DPH6: variants seen among roughly 807,000 people sequenced by gnomAD.
DPH6 encodes the protein diphthine--ammonia ligase.
Under a neutral mutation model 38.2 loss-of-function variants are expected in DPH6, and 33 were observed. The ratio of observed to expected loss-of-function variants is 0.86; its 90% CI spans 0.65 to 1.15. The LOEUF (loss-of-function observed/expected upper bound fraction) is 1.15, where lower values mean the gene tolerates loss of function less well. Among genes scored for constraint, DPH6 ranks in the 50% most tolerant of loss-of-function variants. The pLI is 0.00. For synonymous variants in DPH6, 108 were observed against 103.0 expected (o/e 1.05, Z -0.30); for missense variants, 325 against 320.0 (o/e 1.02, Z -0.12).
At chr15:35,489,071 C>A (rs2054442655) in intron 3 of DPH6, among the ~76,000 whole-genome samples, 1 of 152,120 alleles carries the variant, frequency 6.6e-6, no homozygotes, top group Non-Finnish European at 1.5e-5. Context: ...AAGATGATGT[C>A]CCTCTGTCAA....
intron 3 of DPH6, among the ~76,000 whole-genome samples, chr15:35,344,481 T>C (rs748383614): frequency 3.9e-5 from 6 of 151,940 alleles, no homozygotes; most frequent in Non-Finnish European, 8.8e-5. Context: ...CCATCCCCTG[T>C]TCTTTTAGGA....
intron 3 of DPH6, among the ~76,000 whole-genome samples, chr15:35,246,548 TAAG>T (rs1220947694): frequency 6.6e-6 from 1 of 152,176 alleles, no homozygotes; most frequent in African/African-American, 2.4e-5. Context: ...CAGACTGCAG[TAAG>T]CAATTTGTTC....
At chr15:35,382,193 TGGGAGGCCGAGGC>T (rs1045572452) in intron 6 of DPH6, among the ~76,000 whole-genome samples, 1 of 152,126 alleles carries the variant, frequency 6.6e-6, no homozygotes, top group Non-Finnish European at 1.5e-5. Context: ...CCCAGCACTT[TGGGAGGCCGAGGC>T]GGGCGGATCA....
At position 35,455,544 on chromosome 15, in the gene DPH6, A is replaced by G. The variant is rs6495772; in HGVS notation, c.313-724T>C. Among the ~76,000 whole-genome samples, 465 of 152,306 alleles carry G rather than the reference A, an allele frequency of 3.1e-3. 1 individual carries two copies. The highest frequency in any genetic ancestry group is 0.011 in the African/African-American group (442 of 41,566). ...AGCTAGAATGGATTAAAAAGAAAAC[A>G]AAACAAGATCAATCAAGTACATGGA... On this transcript the variant is annotated intron_variant, in intron 3 of 8. Coordinates refer to ENST00000256538, the MANE Select transcript of DPH6 (RefSeq NM_080650.4).
At chr15:35,173,552 C>CT in the DPH6 span, among the ~76,000 whole-genome samples, 133,321 of 150,026 alleles carry the variant, frequency 0.89, 59,388 homozygotes, top group Non-Finnish European at 0.92. Context: ...ATGTATCTGC[C>CT]TTTTTTTTTC....
At chr15:35,356,639 T>G (rs1366809079) in intron 3 of DPH6, among the ~76,000 whole-genome samples, 1 of 152,160 alleles carries the variant, frequency 6.6e-6, no homozygotes, top group Non-Finnish European at 1.5e-5. Flanking sequence ...ATCATTCCTC[T>G]GCAAGTTTTG....
At chr15:35,428,467 C>T (rs1191841039) in intron 5 of DPH6, among the ~76,000 whole-genome samples, 1 of 151,992 alleles carries the variant, frequency 6.6e-6, no homozygotes, top group Non-Finnish European at 1.5e-5. Flanking sequence ...TCTACACACT[C>T]CAATTAACTC....
intron 3 of DPH6, among the ~76,000 whole-genome samples, chr15:35,487,483 G>A (rs756418420): frequency 6.6e-5 from 10 of 152,214 alleles, no homozygotes; most frequent in African/African-American, 1.9e-4. Context: ...CTTGGGGCTC[G>A]TACCCTCTGA....
chr15:35,354,834 T>C (rs1203342750), intron 3 of DPH6, among the ~76,000 whole-genome samples: 2 of 152,166 alleles, frequency 1.3e-5, no homozygotes, highest in Non-Finnish European at 2.9e-5. Context: ...TATTCCTGGA[T>C]ATCCTTGTTA....
At chr15:35,341,180 G>T (rs922102658) in intron 3 of DPH6, among the ~76,000 whole-genome samples, 1 of 152,110 alleles carries the variant, frequency 6.6e-6, no homozygotes, top group African/African-American at 2.4e-5. Context: ...ATTGATACTT[G>T]TGATTGCATT....
the DPH6 span, among the ~76,000 whole-genome samples, chr15:35,147,891 C>T: frequency 6.6e-6 from 1 of 152,158 alleles, no homozygotes; most frequent in Admixed American, 6.5e-5. Context: ...ACATGCAACG[C>T]CTTGGGCTGC....
chr15:35,367,597 T>G (rs1312266037), downstream of DPH6, among the ~76,000 whole-genome samples: 2 of 151,862 alleles, frequency 1.3e-5, no homozygotes, highest in African/African-American at 4.8e-5. Flanking sequence ...TATTTCTCCG[T>G]TTTTATCTCA....
intron 3 of DPH6, among the ~76,000 whole-genome samples, chr15:35,229,975 TACTGGGTCAG>T (rs1243027802): frequency 6.6e-5 from 10 of 152,200 alleles, no homozygotes; most frequent in Non-Finnish European, 1.0e-4. Context: ...CCTGGGACTG[TACTGGGTCAG>T]ACCTGAAGCC....
chr15:35,260,703 T>TA (rs2051741124), intron 3 of DPH6, among the ~76,000 whole-genome samples: 1 of 152,114 alleles, frequency 6.6e-6, no homozygotes, highest in Admixed American at 6.5e-5. Context: ...TTCTTTTTTT[T>TA]ACCTCCTTCC....
At chr15:35,220,079 A>G (rs1408242089) in exon 4 of DPH6, 3 of 152,252 alleles carry the variant, frequency 2.0e-5, no homozygotes, top group African/African-American at 2.4e-5. Flanking sequence ...TCAAACACAA[A>G]GCAGAGTATA....
chr15:35,325,782 T>C (rs899853942), intron 3 of DPH6, among the ~76,000 whole-genome samples: 3 of 151,924 alleles, frequency 2.0e-5, no homozygotes, highest in Non-Finnish European at 4.4e-5. Flanking sequence ...ACTAAAACAG[T>C]GAAAAGTCAA....
chr15:35,458,556 G>T (rs1208536472), intron 3 of DPH6, among the ~76,000 whole-genome samples: 1 of 152,148 alleles, frequency 6.6e-6, no homozygotes, highest in Non-Finnish European at 1.5e-5. Flanking sequence ...CCTGATCCCT[G>T]ACCCATATCA....
the DPH6 span, among the ~76,000 whole-genome samples, chr15:35,147,769 T>TAACACTCTC: frequency 6.6e-6 from 1 of 152,210 alleles, no homozygotes; most frequent in Non-Finnish European, 1.5e-5. Context: ...GAGTGAGAAT[T>TAACACTCTC]ACTAATATAA....
intron 6 of DPH6, among the ~76,000 whole-genome samples, chr15:35,403,378 G>T (rs2053247564): frequency 6.6e-6 from 1 of 151,904 alleles, no homozygotes; most frequent in African/African-American, 2.4e-5. Flanking sequence ...GTATCCATCT[G>T]CTCAAGTATT....
Sources: gnomAD v4.1 joint callset for allele counts (sites outside exome capture counted in the v4.1 genomes callset) on GRCh38, gnomAD v4.1.1 for gene constraint, MANE v1.5 for transcripts, NCBI Gene and HGNC (gene_info 2026-07-23, HGNC 2026-07-21) for gene names.